Variants in BICD1 observed in about 807,000 individuals in gnomAD.
The protein encoded by BICD1 is protein bicaudal D homolog 1.
BICD1 carries 35 observed loss-of-function variants against 92.5 expected under a neutral mutation model. The observed-to-expected ratio is 0.38, with a 90% CI of 0.29 to 0.50. BICD1 has a LOEUF of 0.50. BICD1 is among the 20% of genes least tolerant of loss of function. The pLI, the probability that BICD1 is intolerant of heterozygous loss-of-function variation, is 0.93. For missense variants in BICD1, 950 were observed against 1,189.8 expected (o/e 0.80, Z 2.97); for synonymous variants, 429 against 465.1 (o/e 0.92, Z 1.00).
At chr12:32,239,750 A>T (rs1007129723) in intron 2 of BICD1, among the ~76,000 whole-genome samples, 1 of 151,546 alleles carries the variant, frequency 6.6e-6, no homozygotes, top group African/African-American at 2.4e-5. Flanking sequence ...CTGGGATTAC[A>T]GGCATGCACC....
chr12:32,247,814 A>G (rs112798358), intron 2 of BICD1, among the ~76,000 whole-genome samples: 7,309 of 140,836 alleles, frequency 0.052, 633 homozygotes, highest in African/African-American at 0.18. Context: ...ACTGAGTGTG[A>G]TGGCTCACGC....
At chr12:32,324,043 G>A (rs957881704) in intron 4 of BICD1, among the ~76,000 whole-genome samples, 3 of 152,010 alleles carry the variant, frequency 2.0e-5, no homozygotes, top group Non-Finnish European at 4.4e-5. Flanking sequence ...TTCCCATAAA[G>A]CTTAGGGCCG....
At position 32,228,083 on chromosome 12, in the gene BICD1, G is replaced by A. The variant is rs1945759131; in HGVS notation, c.426+11624G>A. ...CATTGAATGTAAGTTCCACATGGAC[G>A]TAGGACATTAGGATGTTCTTGGTGT... On this transcript the variant is annotated intron_variant, in intron 2 of 9. Coordinates refer to ENST00000652176, the MANE Select transcript of BICD1 (RefSeq NM_001714.4). 1.7e-5 allele frequency: 4 copies of A among 234,336 alleles called. No homozygotes were observed. In the South Asian group the frequency reaches 2.3e-4, roughly 14 times the overall value. The allele number at this position is 234,336 out of a possible 1,614,324, so 14.5% of individuals were successfully genotyped here.
intron 1 of BICD1, among the ~76,000 whole-genome samples, chr12:32,127,171 T>C (rs1942376597): frequency 6.6e-6 from 1 of 152,220 alleles, no homozygotes; most frequent in South Asian, 2.1e-4. Flanking sequence ...TTAGTTGATT[T>C]ATCACTCTTT....
At chr12:32,151,871 GT>G (rs1943297842) in intron 1 of BICD1, among the ~76,000 whole-genome samples, 1 of 152,176 alleles carries the variant, frequency 6.6e-6, no homozygotes, top group Non-Finnish European at 1.5e-5. Flanking sequence ...TGTGGCCATA[GT>G]GGAAGATGGA....
At position 32,307,252 on chromosome 12, in the gene BICD1, A is replaced by G. The variant is rs76725144; in HGVS notation, c.1005+1130A>G. Among the ~76,000 whole-genome samples, 779 of 152,354 alleles carry G rather than the reference A, an allele frequency of 5.1e-3. 9 individuals are homozygous for G. Among genetic ancestry groups the G allele is most frequent in the African/African-American group, 0.018 (745 of 41,580 alleles). Reference sequence around the variant, plus strand: ...TATCCAGGATACCGTATGATTAAAAATACAGAACAGGTATAATCTAAGACC... The same window carrying G: ...TATCCAGGATACCGTATGATTAAAAGTACAGAACAGGTATAATCTAAGACC... On this transcript the variant is annotated intron_variant, in intron 4 of 9. Transcript: ENST00000652176.
intron 2 of BICD1, among the ~76,000 whole-genome samples, chr12:32,267,456 G>A (rs1947028597): frequency 6.6e-6 from 1 of 152,084 alleles, no homozygotes. Flanking sequence ...ATAGTTGCTG[G>A]GTGAATCCAT....
intron 1 of BICD1, among the ~76,000 whole-genome samples, chr12:32,162,020 C>A (rs1457070525): frequency 1.3e-5 from 2 of 152,140 alleles, no homozygotes; most frequent in Non-Finnish European, 2.9e-5. Context: ...CTTACCATAC[C>A]CGTCAGCACC....
At chr12:32,163,622 G>A (rs1476052072) in intron 1 of BICD1, among the ~76,000 whole-genome samples, 3 of 152,100 alleles carry the variant, frequency 2.0e-5, no homozygotes, top group African/African-American at 4.8e-5. Context: ...CATTTTAATG[G>A]CTTGATAGTC....
At chr12:32,152,263 T>TTC (rs1256039582) in intron 1 of BICD1, among the ~76,000 whole-genome samples, 1 of 151,376 alleles carries the variant, frequency 6.6e-6, no homozygotes, top group Non-Finnish European at 1.5e-5. Context: ...TAACTTTTTT[T>TTC]TTTTTTTAAC....
intron 4 of BICD1, among the ~76,000 whole-genome samples, chr12:32,310,900 A>G (rs1039034340): frequency 6.6e-6 from 1 of 152,192 alleles, no homozygotes; most frequent in Admixed American, 6.5e-5. Flanking sequence ...AAAACAGTAT[A>G]CCTAGTCCAT....
At chr12:32,357,896 T>A (rs902045574) in intron 8 of BICD1, among the ~76,000 whole-genome samples, 1 of 152,194 alleles carries the variant, frequency 6.6e-6, no homozygotes, top group Admixed American at 6.5e-5. Flanking sequence ...AGGGCTTCAA[T>A]ATATGAATTT....
intron 3 of BICD1, among the ~76,000 whole-genome samples, chr12:32,298,177 T>C (rs1055064074): frequency 1.7e-4 from 22 of 129,674 alleles, no homozygotes; most frequent in Non-Finnish European, 3.3e-4. Context: ...AGTGAGACCC[T>C]GTCTCAAAAA....
At chr12:32,110,741 T>G (rs946720934) in intron 1 of BICD1, among the ~76,000 whole-genome samples, 6 of 148,920 alleles carry the variant, frequency 4.0e-5, no homozygotes, top group Non-Finnish European at 7.4e-5. Context: ...AACTTAAGAG[T>G]TTTTTTTACA....
intron 2 of BICD1, among the ~76,000 whole-genome samples, chr12:32,265,173 T>C (rs564434996): frequency 6.6e-6 from 1 of 152,054 alleles, no homozygotes; most frequent in African/African-American, 2.4e-5. Context: ...GTGTTTCTCA[T>C]GCTCATCCCA....
At position 32,179,946 on chromosome 12, in the gene BICD1, C is replaced by T. The variant is rs565524137; in HGVS notation, c.214-36301C>T. Among the ~76,000 whole-genome samples, 7 of 146,788 alleles carry T rather than the reference C, an allele frequency of 4.8e-5. No individual in the cohort carries two copies. The South Asian group carries it at 6.5e-4, about 14-fold the overall frequency. ...CAAAGATTGCAGTGAGCCGACATTG[C>T]GCTACTGCACTCCAGCCTGGGCAAC... On this transcript the variant is annotated intron_variant, in intron 1 of 9. Coordinates refer to ENST00000652176, the MANE Select transcript of BICD1 (RefSeq NM_001714.4).
At chr12:32,301,602 C>CT (rs1250465803) in intron 3 of BICD1, among the ~76,000 whole-genome samples, 2 of 150,132 alleles carry the variant, frequency 1.3e-5, no homozygotes, top group Non-Finnish European at 2.9e-5. Context: ...TGGTACAAAA[C>CT]CTTGTCTCTA....
At chr12:32,286,701 C>A (rs1947577553) in intron 2 of BICD1, among the ~76,000 whole-genome samples, 1 of 152,144 alleles carries the variant, frequency 6.6e-6, no homozygotes, top group Non-Finnish European at 1.5e-5. Flanking sequence ...TAACACAACA[C>A]AGGAAGCTGT....
At chr12:32,177,191 T>C (rs1479499086) in intron 1 of BICD1, among the ~76,000 whole-genome samples, 1 of 151,688 alleles carries the variant, frequency 6.6e-6, no homozygotes, top group East Asian at 1.9e-4. Context: ...GGTGCGCACC[T>C]GTAATCCGAG....
Sources: allele counts gnomAD v4.1 joint callset (sites outside exome capture counted in the v4.1 genomes callset), GRCh38; gene constraint gnomAD v4.1.1; transcripts MANE v1.5; gene names NCBI Gene and HGNC (gene_info 2026-07-23, HGNC 2026-07-21).